TPO: variants seen among roughly 807,000 people sequenced by gnomAD.
TPO encodes the protein thyroid microsomal antigen.
In TPO, 78 loss-of-function variants were observed where a neutral mutation model predicts 96.9. The observed-to-expected ratio is 0.81, with a 90% confidence interval of 0.67 to 0.97. TPO has a LOEUF of 0.97. TPO is among the 50% of genes least tolerant of loss of function. The pLI, the probability that TPO is intolerant of heterozygous loss-of-function variation, is 0.00. For missense variants in TPO, 1,252 were observed against 1,274.8 expected (o/e 0.98, Z 0.27); for synonymous variants, 547 against 538.0 (o/e 1.02, Z -0.23).
At chr2:1,422,358 C>CGCCTCTCCTGGACAGATTTCGTGCAGGT (rs1558264430) in intron 2 of TPO, among the ~76,000 whole-genome samples, 1 of 106,044 alleles carries the variant, frequency 9.4e-6, no homozygotes, top group Admixed American at 9.0e-5. Context: ...CTCGTGCAGG[C>CGCCTCTCCTGGACAGATTTCGTGCAGGT]GCCGCGCTGG....
intron 1 of TPO, among the ~76,000 whole-genome samples, chr2:1,379,091 G>A (rs563675440): frequency 2.3e-4 from 35 of 152,258 alleles, no homozygotes; most frequent in African/African-American, 7.2e-4. Context: ...GATCACCTAA[G>A]GTCAGGAGCT....
intron 15 of TPO, among the ~76,000 whole-genome samples, chr2:1,537,731 C>A (rs1171445124): frequency 1.5e-5 from 2 of 133,798 alleles, no homozygotes; most frequent in African/African-American, 5.5e-5. Flanking sequence ...CCAAATCCCC[C>A]AACTGTCTGC....
At chr2:1,484,475 C>A (rs1044073742) in intron 8 of TPO, 121 bp from the exon 9 acceptor site, 3 of 1,298,846 alleles carry the variant, frequency 2.3e-6, no homozygotes, top group Non-Finnish European at 3.2e-6. Context: ...GCCCTTATTA[C>A]AAGACGAGAA....
intron 7 of TPO, among the ~76,000 whole-genome samples, chr2:1,475,187 T>C (rs1669777418): frequency 6.6e-6 from 1 of 152,182 alleles, no homozygotes; most frequent in African/African-American, 2.4e-5. Flanking sequence ...GTAATTTTAT[T>C]ATTATTTGTG....
chr2:1,524,402 T>C (rs1675936219), intron 15 of TPO, among the ~76,000 whole-genome samples: 1 of 26,214 alleles, frequency 3.8e-5, no homozygotes, highest in African/African-American at 1.7e-4. Context: ...CTGTGCAACC[T>C]CCAACTTTCC....
At chr2:1,507,206 T>C (rs1366259464) in intron 14 of TPO, among the ~76,000 whole-genome samples, 1 of 152,208 alleles carries the variant, frequency 6.6e-6, no homozygotes, top group Non-Finnish European at 1.5e-5. Flanking sequence ...ATATGTGGCA[T>C]TATTACTGAG....
chr2:1,477,703 T>A, intron 8 of TPO, 99 bp downstream of exon 8: 1 of 1,387,204 alleles, frequency 7.2e-7, no homozygotes, highest in Admixed American at 3.1e-5. Flanking sequence ...CCCAGGTACT[T>A]GCACAGCCAT....
chr2:1,404,626 G>C (rs1662220972), intron 1 of TPO, among the ~76,000 whole-genome samples: 1 of 152,182 alleles, frequency 6.6e-6, no homozygotes, highest in Non-Finnish European at 1.5e-5. Context: ...GCCAGGGAGA[G>C]AGGCCTCAGA....
chr2:1,475,835 C>T (rs1371866648), intron 7 of TPO, among the ~76,000 whole-genome samples: 1 of 152,224 alleles, frequency 6.6e-6, no homozygotes, highest in Non-Finnish European at 1.5e-5. Flanking sequence ...GTTGCTGCCC[C>T]GACCCCCAGC....
intron 15 of TPO, among the ~76,000 whole-genome samples, chr2:1,537,233 CAACTGTTTCGAACCACCTCAAAT>C (rs1679949965): frequency 8.8e-6 from 1 of 113,058 alleles, no homozygotes; most frequent in Admixed American, 9.0e-5. Flanking sequence ...CCAAATCCCC[CAACTGTTTCGAACCACCTCAAAT>C]CCCCCCACTG....
At chr2:1,484,973 G>A (rs1670998327) in intron 9 of TPO, 119 bp downstream of exon 9, 6 of 1,462,802 alleles carry the variant, frequency 4.1e-6, no homozygotes, top group Non-Finnish European at 5.5e-6. Context: ...TTGTTACGTA[G>A]GGTATACATG....
At chr2:1,502,162 G>A (rs572259574) in intron 13 of TPO, among the ~76,000 whole-genome samples, 6 of 152,028 alleles carry the variant, frequency 3.9e-5, no homozygotes, top group East Asian at 1.9e-4. Context: ...CCCCAGAGGC[G>A]GCTGCAGATG....
chr2:1,536,832 A>G (rs1414770201), intron 15 of TPO, among the ~76,000 whole-genome samples: 1 of 85,072 alleles, frequency 1.2e-5, no homozygotes, highest in Admixed American at 1.7e-4. Flanking sequence ...CACTGTGTGC[A>G]ACCTCCCCAA....
At position 1,492,774 on chromosome 2, in the gene TPO, C is replaced by T. The variant is rs143141269; in HGVS notation, c.1769-1028C>T. The stretch of plus-strand genomic sequence containing the variant: ...TGCTGGGAGCCTGTGGTGGGCAGGG[C>T]GCTGAGAGTAGAACCAGACAGTCTT... On this transcript the variant is annotated intron_variant, in intron 10 of 16. Coordinates refer to ENST00000329066, the MANE Select transcript of TPO (RefSeq NM_001206744.2). 7.2e-5 allele frequency among the ~76,000 whole-genome samples: 11 copies of T among 152,256 alleles called. No homozygotes were observed. The East Asian group carries it at 1.5e-3, about 21-fold the overall frequency.
chr2:1,426,888 G>T (rs999058048), intron 3 of TPO, among the ~76,000 whole-genome samples: 4 of 152,170 alleles, frequency 2.6e-5, no homozygotes, highest in Admixed American at 6.5e-5. Context: ...TCCAAAACTA[G>T]AGTGTGCCTA....
At chr2:1,406,696 C>A (rs952443593) in intron 1 of TPO, among the ~76,000 whole-genome samples, 9 of 152,224 alleles carry the variant, frequency 5.9e-5, no homozygotes, top group African/African-American at 2.2e-4. Flanking sequence ...CACAATATTA[C>A]CCCTAGAAAC....
chr2:1,413,799 A>G, intron 1 of TPO: 1 of 954,464 alleles, frequency 1.0e-6, no homozygotes, highest in Non-Finnish European at 1.2e-6. Flanking sequence ...CACTGGTGCT[A>G]TCCTGCTTAA....
intron 7 of TPO, among the ~76,000 whole-genome samples, chr2:1,469,057 T>A (rs1174965200): frequency 6.6e-6 from 1 of 152,238 alleles, no homozygotes; most frequent in African/African-American, 2.4e-5. Flanking sequence ...CCTGAAGTTT[T>A]GATTGTTTTT....
chr2:1,463,030 C>T (rs547039265), intron 7 of TPO, among the ~76,000 whole-genome samples: 3 of 152,218 alleles, frequency 2.0e-5, no homozygotes, highest in African/African-American at 7.2e-5. Flanking sequence ...TATCTTTGTA[C>T]TTAGAGAAAA....
Sources: gnomAD v4.1 joint callset for allele counts (sites outside exome capture counted in the v4.1 genomes callset) on GRCh38, gnomAD v4.1.1 for gene constraint, MANE v1.5 for transcripts, NCBI Gene and HGNC (gene_info 2026-07-23, HGNC 2026-07-21) for gene names.